CADPS2: variants seen among roughly 807,000 people sequenced by gnomAD.
CADPS2 encodes the protein calcium dependent secretion activator 2.
In CADPS2, 93 loss-of-function variants were observed where a neutral mutation model predicts 172.5. The ratio of observed to expected loss-of-function variants is 0.54; its 90% confidence interval spans 0.46 to 0.64. The LOEUF is 0.64. Among genes scored for constraint, CADPS2 ranks in the 30% least tolerant of loss-of-function variants. The pLI is 0.00. For missense variants in CADPS2, 1,420 were observed against 1,565.9 expected (o/e 0.91, Z 1.57); for synonymous variants, 546 against 555.2 (o/e 0.98, Z 0.23).
chr7:122,801,565 T>C (rs1797654335), intron 1 of CADPS2, among the ~76,000 whole-genome samples: 1 of 152,232 alleles, frequency 6.6e-6, no homozygotes, highest in South Asian at 2.1e-4. Context: ...CATGTTCCCA[T>C]TAGATCAGGA....
rs772608521 is a variant in CADPS2, at chr7:122,491,429, GA to G, written c.1543-10del. On this transcript the variant is annotated splice_polypyrimidine_tract_variant and intron_variant, in intron 9 of 29. Coordinates refer to ENST00000449022, the MANE Select transcript of CADPS2 (RefSeq NM_017954.11). ...AAGGTATATTGGCTAACCTGCTCGAGAAAAAAAAAGTTTACAGATTAGTCAC... is the reference window on the plus strand; with the variant it reads ...AAGGTATATTGGCTAACCTGCTCGAGAAAAAAAAGTTTACAGATTAGTCAC... The G allele has an allele frequency of 9.7e-5, 146 of 1,498,640 alleles. No homozygotes were observed. The highest frequency in any genetic ancestry group is 1.8e-4 in the Middle Eastern group (1 of 5,702). The allele number at this position is 1,498,640 out of a possible 1,614,324, so 92.8% of individuals were successfully genotyped here. A position where few individuals can be genotyped will look rare whatever the true frequency, so the allele number is the denominator to read the frequency against.
At chr7:122,703,406 TGGGAAGTAGGA>T (rs1469790284) in intron 2 of CADPS2, among the ~76,000 whole-genome samples, 1 of 152,100 alleles carries the variant, frequency 6.6e-6, no homozygotes, top group Admixed American at 6.6e-5. Context: ...TGGCATTCTG[TGGGAAGTAGGA>T]GCAAACCATT....
At chr7:122,867,324 T>C (rs1818564774) in intron 1 of CADPS2, among the ~76,000 whole-genome samples, 1 of 152,146 alleles carries the variant, frequency 6.6e-6, no homozygotes, top group African/African-American at 2.4e-5. Flanking sequence ...CACTGAGAAA[T>C]CAATTCTCTC....
At chr7:122,840,688 G>A (rs1810220851) in intron 1 of CADPS2, among the ~76,000 whole-genome samples, 1 of 152,054 alleles carries the variant, frequency 6.6e-6, no homozygotes, top group Admixed American at 6.6e-5. Flanking sequence ...GGCTGAGGCA[G>A]GAAGATATCC....
chr7:122,334,538 A>C (rs1027812529), intron 28 of CADPS2, among the ~76,000 whole-genome samples: 3 of 152,226 alleles, frequency 2.0e-5, no homozygotes, highest in African/African-American at 7.2e-5. Flanking sequence ...GAGCTGATAT[A>C]AGCCTGGCTT....
chr7:122,361,579 T>TAAAAG (rs1317847755), intron 25 of CADPS2, among the ~76,000 whole-genome samples: 3 of 152,154 alleles, frequency 2.0e-5, no homozygotes, highest in Non-Finnish European at 2.9e-5. Flanking sequence ...GTCATAGGAA[T>TAAAAG]CTAGTCACTA....
intron 27 of CADPS2, among the ~76,000 whole-genome samples, chr7:122,355,599 T>A (rs986615511): frequency 1.3e-5 from 2 of 151,506 alleles, no homozygotes; most frequent in Non-Finnish European, 2.9e-5. Flanking sequence ...AAAAAAAAAA[T>A]TCCGACAAGT....
chr7:122,835,553 G>A (rs1000522519), intron 1 of CADPS2, among the ~76,000 whole-genome samples: 7 of 152,106 alleles, frequency 4.6e-5, no homozygotes, highest in South Asian at 2.1e-4. Context: ...TTAGACGAAC[G>A]GATAACTAGA....
intron 15 of CADPS2, among the ~76,000 whole-genome samples, chr7:122,443,909 T>G (rs943764186): frequency 1.1e-4 from 16 of 152,164 alleles, no homozygotes; most frequent in South Asian, 2.1e-4. Flanking sequence ...ATTTAAAATA[T>G]ATGGTTTGGT....
At chr7:122,488,232 G>A (rs964204779) in intron 11 of CADPS2, among the ~76,000 whole-genome samples, 5 of 152,204 alleles carry the variant, frequency 3.3e-5, no homozygotes, top group Non-Finnish European at 7.3e-5. Flanking sequence ...TGCTGGGGGT[G>A]AGCAATGAAC....
intron 3 of CADPS2, among the ~76,000 whole-genome samples, chr7:122,656,697 T>C (rs2079837673): frequency 6.6e-6 from 1 of 152,184 alleles, no homozygotes; most frequent in Non-Finnish European, 1.5e-5. Context: ...CTGCAGGATG[T>C]AGACTTTCCC....
At chr7:122,772,925 T>C (rs1318887120) in intron 1 of CADPS2, among the ~76,000 whole-genome samples, 1 of 152,098 alleles carries the variant, frequency 6.6e-6, no homozygotes, top group African/African-American at 2.4e-5. Flanking sequence ...TCAACAATTT[T>C]AAATAGACAA....
intron 1 of CADPS2, among the ~76,000 whole-genome samples, chr7:122,821,853 G>A (rs1803396562): frequency 6.6e-6 from 1 of 152,072 alleles, no homozygotes; most frequent in South Asian, 2.1e-4. Flanking sequence ...TCCCTTCTCA[G>A]AATTCAGGCC....
intron 6 of CADPS2, among the ~76,000 whole-genome samples, chr7:122,611,165 T>C (rs1251731392): frequency 1.3e-5 from 2 of 151,678 alleles, no homozygotes; most frequent in African/African-American, 4.8e-5. Flanking sequence ...ACTGTAAAAA[T>C]GAGAGCAAAC....
intron 1 of CADPS2, among the ~76,000 whole-genome samples, chr7:122,751,470 AG>A (rs1562934592): frequency 6.6e-6 from 1 of 152,224 alleles, no homozygotes; most frequent in African/African-American, 2.4e-5. Flanking sequence ...CCTGATATCC[AG>A]GACAATTCTC....
In CADPS2 at chr7:122,377,135, G is replaced by A. The variant is rs577186182; in HGVS notation, c.3387+2233C>T. Among the ~76,000 whole-genome samples, 6 of 152,088 alleles carry A rather than the reference G, an allele frequency of 3.9e-5. No homozygotes were observed. The East Asian group carries it at 5.8e-4, about 15-fold the overall frequency. On this transcript the variant is annotated intron_variant, in intron 25 of 29. Transcript: ENST00000449022. ...CTAAATATAATATCCAGTATTATACGAGGCTCTTTTAATCAAAATTAAATT... is the reference window on the plus strand; with the variant it reads ...CTAAATATAATATCCAGTATTATACAAGGCTCTTTTAATCAAAATTAAATT...
At chr7:122,360,444 A>G (rs1023883783) in intron 27 of CADPS2, among the ~76,000 whole-genome samples, 1 of 152,302 alleles carries the variant, frequency 6.6e-6, no homozygotes, top group African/African-American at 2.4e-5. Flanking sequence ...TAAGAAACCC[A>G]TTACAGCTTT....
chr7:122,757,716 A>G (rs2138620892), intron 1 of CADPS2, among the ~76,000 whole-genome samples: 1 of 152,188 alleles, frequency 6.6e-6, no homozygotes, highest in Admixed American at 6.6e-5. Flanking sequence ...ACTAACAGCT[A>G]CTAGATGCCT....
chr7:122,817,476 C>G (rs1801812512), intron 1 of CADPS2, among the ~76,000 whole-genome samples: 1 of 152,130 alleles, frequency 6.6e-6, no homozygotes, highest in Non-Finnish European at 1.5e-5. Flanking sequence ...TATCCGTGGA[C>G]CCAAAACTCT....
Sources: gnomAD v4.1 joint callset for allele counts (sites outside exome capture counted in the v4.1 genomes callset) on GRCh38, gnomAD v4.1.1 for gene constraint, MANE v1.5 for transcripts, NCBI Gene and HGNC (gene_info 2026-07-23, HGNC 2026-07-21) for gene names.